SDK1: variants seen among roughly 807,000 people sequenced by gnomAD.
SDK1 encodes sidekick cell adhesion molecule 1, also known as protein sidekick-1.
SDK1 carries 157 observed loss-of-function variants against 245.5 expected under a neutral mutation model. That is an observed-to-expected ratio of 0.64 (90% CI 0.56 to 0.73). The LOEUF (loss-of-function observed/expected upper bound fraction) is 0.73. SDK1 is among the 30% of genes least tolerant of loss of function. The pLI, the probability that SDK1 is intolerant of heterozygous loss-of-function variation, is 0.00. For missense variants in SDK1, 3,583 were observed against 3,002.3 expected (o/e 1.19, Z -4.52); for synonymous variants, 1,647 against 1,278.5 (o/e 1.29, Z -6.15).
chr7:4,076,256 C>G (rs972116088), intron 20 of SDK1, among the ~76,000 whole-genome samples: 7 of 152,168 alleles, frequency 4.6e-5, no homozygotes, highest in Non-Finnish European at 7.3e-5. Context: ...CAAAAAATAT[C>G]GGCTTCCAAA....
chr7:3,621,650 C>T (rs955738302), intron 2 of SDK1, among the ~76,000 whole-genome samples: 8 of 152,196 alleles, frequency 5.3e-5, no homozygotes. Context: ...CAAGCCATTT[C>T]TCTTTTCCGA....
At chr7:4,034,977 C>A (rs1788108149) in intron 17 of SDK1, among the ~76,000 whole-genome samples, 1 of 152,122 alleles carries the variant, frequency 6.6e-6, no homozygotes, top group Non-Finnish European at 1.5e-5. Context: ...CTATTCATAG[C>A]ACTAAATTAA....
chr7:3,967,065 GC>G (rs1219364144), intron 9 of SDK1, among the ~76,000 whole-genome samples: 3 of 152,140 alleles, frequency 2.0e-5, no homozygotes, highest in African/African-American at 7.2e-5. Flanking sequence ...TTCTTCCTGG[GC>G]CCCTGCACGT....
At chr7:3,403,949 T>G (rs1015529817) in intron 1 of SDK1, among the ~76,000 whole-genome samples, 1 of 147,518 alleles carries the variant, frequency 6.8e-6, no homozygotes, top group African/African-American at 2.5e-5. Flanking sequence ...CAGGTTAGGG[T>G]CCAGACCATT....
intron 1 of SDK1, among the ~76,000 whole-genome samples, chr7:3,391,093 T>C (rs1324289369): frequency 6.6e-6 from 1 of 152,124 alleles, no homozygotes; most frequent in Admixed American, 6.6e-5. Flanking sequence ...ACATTTAGAA[T>C]AGAATATAAA....
intron 40 of SDK1, among the ~76,000 whole-genome samples, chr7:4,226,444 G>A (rs945459644): frequency 2.0e-5 from 3 of 152,250 alleles, no homozygotes; most frequent in Non-Finnish European, 4.4e-5. Flanking sequence ...TGGTAGTGGA[G>A]CGTGCTGCCC....
chr7:3,615,185 A>G (rs796354669), intron 1 of SDK1, among the ~76,000 whole-genome samples: 1 of 151,750 alleles, frequency 6.6e-6, no homozygotes, highest in African/African-American at 2.4e-5. Flanking sequence ...ATGAAGTGGC[A>G]TTTCTTTTTC....
chr7:3,730,513 T>TA (rs1249366147), intron 4 of SDK1, among the ~76,000 whole-genome samples: 5 of 151,972 alleles, frequency 3.3e-5, no homozygotes, highest in Admixed American at 3.3e-4. Flanking sequence ...GAGAAGACTC[T>TA]AGGAAGGGAG....
chr7:4,212,501 C>T (rs1445952312), intron 38 of SDK1, among the ~76,000 whole-genome samples: 1 of 152,094 alleles, frequency 6.6e-6, no homozygotes, highest in African/African-American at 2.4e-5. Context: ...TTTGAACCAG[C>T]AGAGAGGGCA....
At chr7:4,141,377 A>C (rs1190476735) in intron 28 of SDK1, among the ~76,000 whole-genome samples, 5 of 152,244 alleles carry the variant, frequency 3.3e-5, no homozygotes, top group Non-Finnish European at 1.5e-5. Flanking sequence ...CAACATCTTC[A>C]TTTCATCTCA....
chr7:4,131,746 C>T (rs532187427), intron 27 of SDK1, among the ~76,000 whole-genome samples: 7 of 152,066 alleles, frequency 4.6e-5, no homozygotes, highest in South Asian at 2.1e-4. Flanking sequence ...GAACCACACA[C>T]AAGAATTATT....
intron 1 of SDK1, among the ~76,000 whole-genome samples, chr7:3,391,481 T>C (rs964752430): frequency 1.4e-4 from 22 of 151,870 alleles, no homozygotes; most frequent in African/African-American, 5.3e-4. Flanking sequence ...TTTTTTTTCC[T>C]TTACGTTTTC....
intron 1 of SDK1, among the ~76,000 whole-genome samples, chr7:3,410,123 T>C (rs1463126306): frequency 6.6e-6 from 1 of 152,200 alleles, no homozygotes; most frequent in East Asian, 1.9e-4. Context: ...AGTGTTATCA[T>C]AATCACATTT....
At chr7:3,494,636 C>G (rs1483451293) in intron 1 of SDK1, among the ~76,000 whole-genome samples, 1 of 152,212 alleles carries the variant, frequency 6.6e-6, no homozygotes, top group African/African-American at 2.4e-5. Flanking sequence ...AACTACCAAC[C>G]CTTCCTCATC....
At position 3,504,182 on chromosome 7, in the gene SDK1, A is replaced by ATATGTG. The variant is rs375661314; in HGVS notation, c.299-114897_299-114896insATGTGT. ...AACCAAAAAAATTATATATATATAT[A>ATATGTG]TGTGTGTGTGTGTGTGTGTGTGTGT... On this transcript the variant is annotated intron_variant, in intron 1 of 44. Coordinates refer to ENST00000404826, the MANE Select transcript of SDK1 (RefSeq NM_152744.4). Among the ~76,000 whole-genome samples the ATATGTG allele has an allele frequency of 7.6e-5, 10 of 131,886 alleles. No individual in the cohort carries two copies. The South Asian group carries it at 8.4e-4, about 11-fold the overall frequency. 86.5% of individuals were successfully genotyped at this position (131,886 alleles called of 152,430 possible). A position where few individuals can be genotyped will look rare whatever the true frequency, so the allele number is the denominator to read the frequency against.
intron 20 of SDK1, among the ~76,000 whole-genome samples, chr7:4,069,785 C>G (rs935256745): frequency 2.0e-5 from 3 of 152,220 alleles, no homozygotes; most frequent in Admixed American, 1.3e-4. Flanking sequence ...GTTTGTCACC[C>G]TAGCCTTGTG....
intron 1 of SDK1, among the ~76,000 whole-genome samples, chr7:3,390,768 T>G (rs1041789213): frequency 5.3e-5 from 8 of 152,142 alleles, no homozygotes; most frequent in African/African-American, 1.9e-4. Context: ...CTTTGAGCCC[T>G]CAGGAAGGAA....
In SDK1 at chr7:4,008,828, T is replaced by G. The variant is rs144972195; in HGVS notation, c.2132-2138T>G. On this transcript the variant is annotated intron_variant, in intron 14 of 44. Transcript: ENST00000404826. ...TATCCCTCAGGTTGCTTCTACCTTT[T>G]GGCTACTGTGAATAAAGCTGCTTTG... Among the ~76,000 whole-genome samples the G allele has an allele frequency of 3.4e-3, 519 of 152,326 alleles. 5 individuals are homozygous for G. Among genetic ancestry groups the G allele is most frequent in the Non-Finnish European group, 3.5e-3 (236 of 68,024 alleles).
chr7:4,008,830 G>C lies in SDK1; in HGVS notation c.2132-2136G>C, dbSNP rs1031766799. On this transcript the variant is annotated intron_variant, in intron 14 of 44. Coordinates refer to ENST00000404826, the MANE Select transcript of SDK1 (RefSeq NM_152744.4). ...TCCCTCAGGTTGCTTCTACCTTTTG[G>C]CTACTGTGAATAAAGCTGCTTTGAA... Among the ~76,000 whole-genome samples the C allele has an allele frequency of 3.3e-5, 5 of 152,254 alleles. No homozygotes were observed. The East Asian group carries it at 9.7e-4, about 29-fold the overall frequency.
Sources: gnomAD v4.1 joint callset for allele counts (sites outside exome capture counted in the v4.1 genomes callset) on GRCh38, gnomAD v4.1.1 for gene constraint, MANE v1.5 for transcripts, NCBI Gene and HGNC (gene_info 2026-07-23, HGNC 2026-07-21) for gene names.